Variants in KANSL1 observed in about 807,000 individuals in gnomAD.
KANSL1 encodes KAT8 regulatory NSL complex subunit 1.
KANSL1 carries 22 observed loss-of-function variants against 103.6 expected under a neutral mutation model. The observed-to-expected ratio is 0.21, with a 90% CI of 0.15 to 0.30. KANSL1 has a LOEUF of 0.30. Among genes scored for constraint, KANSL1 ranks in the 10% least tolerant of loss-of-function variants. The pLI is 1.00. For synonymous variants in KANSL1, 600 were observed against 527.6 expected (o/e 1.14, Z -1.88); for missense variants, 1,337 against 1,399.8 (o/e 0.96, Z 0.72).
chr17:46,074,812 G>C (rs540099605), intron 4 of KANSL1, among the ~76,000 whole-genome samples: 3 of 149,320 alleles, frequency 2.0e-5, no homozygotes, highest in African/African-American at 7.4e-5. Flanking sequence ...AATAAATATT[G>C]TCAGTTATTA....
At chr17:46,098,880 T>C (rs1340992348) in intron 2 of KANSL1, among the ~76,000 whole-genome samples, 1 of 152,194 alleles carries the variant, frequency 6.6e-6, no homozygotes, top group Non-Finnish European at 1.5e-5. Context: ...ACCAGCAATA[T>C]GAGCAGAAAG....
intron 1 of KANSL1, among the ~76,000 whole-genome samples, chr17:46,181,951 C>G (rs924808632): frequency 6.6e-6 from 1 of 152,152 alleles, no homozygotes; most frequent in African/African-American, 2.4e-5. Context: ...ACTTCTTAGA[C>G]TCTTCCAATT....
At chr17:46,058,741 A>ACTCTCT (rs1286306364) in intron 6 of KANSL1, among the ~76,000 whole-genome samples, 13 of 73,584 alleles carry the variant, frequency 1.8e-4, no homozygotes, top group African/African-American at 6.3e-4. Context: ...ACACACACAC[A>ACTCTCT]CACTCTCTCT....
At chr17:46,038,832 TG>T (rs2077227357) in intron 9 of KANSL1, 146 bp from the exon 10 acceptor site, 17 of 1,212,562 alleles carry the variant, frequency 1.4e-5, no homozygotes, top group Non-Finnish European at 1.6e-5. Context: ...ACACTAGCTG[TG>T]GGAAGTAGGG....
At chr17:46,166,090 T>C (rs187798403) in intron 2 of KANSL1, among the ~76,000 whole-genome samples, 191 of 151,592 alleles carry the variant, frequency 1.3e-3, no homozygotes, top group Non-Finnish European at 1.8e-3. Context: ...TGGGCGCCTG[T>C]AATCCCAGCT....
chr17:46,066,567 T>C lies in KANSL1; in HGVS notation c.1818A>G (p.Arg606=), dbSNP rs1198537949. ...VLSCKKRRLV[R]PNSIVPLSKK... ...TGGAAAGAGGAACGATGCTGTTGGGTCGAACAAGCCTCCGCTTCTTACAGC... is the reference window on the plus strand; with the variant it reads ...TGGAAAGAGGAACGATGCTGTTGGGCCGAACAAGCCTCCGCTTCTTACAGC... Residue 606 remains arginine (R), a synonymous_variant, in exon 6 of 15, where the codon CGA becomes CGG. Transcript: ENST00000432791. 6.2e-7 allele frequency: 1 copy of C among 1,613,518 alleles called. No individual in the cohort carries two copies. Among genetic ancestry groups the C allele is most frequent in the Admixed American group, 1.7e-5 (1 of 59,992 alleles).
At chr17:46,042,289 A>C (rs2077354094) in intron 7 of KANSL1, 2 of 152,224 alleles carry the variant, frequency 1.3e-5, no homozygotes, top group South Asian at 4.1e-4. Flanking sequence ...GAGGATAAGA[A>C]GGCAGGGAAG....
At chr17:46,196,078 C>CA (rs141499662), upstream of KANSL1, 34,832 of 297,608 alleles carry the variant, frequency 0.12, 7 homozygotes, top group Non-Finnish European at 0.16. Flanking sequence ...CCTATCTCTA[C>CA]AAACAAAATT....
chr17:46,131,315 T>C (rs749941584), intron 2 of KANSL1, among the ~76,000 whole-genome samples: 20 of 152,240 alleles, frequency 1.3e-4, no homozygotes, highest in Admixed American at 3.9e-4. Context: ...GATGTCCATC[T>C]AACATCCAGT....
rs111461865 is a variant in KANSL1 at position 46,059,048 on chromosome 17, G to GA, written c.1848+7488dup. Among the ~76,000 whole-genome samples, 561 of 108,282 alleles carry GA rather than the reference G, an allele frequency of 5.2e-3. 5 individuals carry two copies. The highest frequency in any genetic ancestry group is 0.013 in the African/African-American group (403 of 31,096). The allele number at this position is 108,282 out of a possible 152,430, so 71.0% of individuals were successfully genotyped here. ...GGCAACAGAGCGAGACTCCATCTCG[G>GA]AAAAAAAAAAAAAGAAAGAAAGAAA... On this transcript the variant is annotated intron_variant, in intron 6 of 14. Transcript: ENST00000432791.
intron 1 of KANSL1, among the ~76,000 whole-genome samples, chr17:46,181,611 T>C (rs2046798083): frequency 6.6e-6 from 1 of 152,216 alleles, no homozygotes; most frequent in Non-Finnish European, 1.5e-5. Flanking sequence ...TTTGTAATTT[T>C]AGTAGAGATG....
intron 6 of KANSL1, among the ~76,000 whole-genome samples, chr17:46,063,609 G>A (rs1385050326): frequency 1.3e-5 from 2 of 152,146 alleles, no homozygotes; most frequent in Admixed American, 1.3e-4. Flanking sequence ...GCTTACTTTT[G>A]TGTCAGGATG....
At chr17:46,199,142 C>A (rs2047711481) in intron 1 of KANSL1, among the ~76,000 whole-genome samples, 1 of 152,188 alleles carries the variant, frequency 6.6e-6, no homozygotes, top group Non-Finnish European at 1.5e-5. Context: ...GTTCAGCCGC[C>A]ACATTTTATT....
chr17:46,167,371 C>T (rs1299534846), intron 2 of KANSL1, among the ~76,000 whole-genome samples: 1 of 152,170 alleles, frequency 6.6e-6, no homozygotes, highest in African/African-American at 2.4e-5. Flanking sequence ...TAATTAAATG[C>T]TTTTATTTCT....
At chr17:46,214,409 T>C (rs564852089) in intron 1 of KANSL1, among the ~76,000 whole-genome samples, 4 of 152,288 alleles carry the variant, frequency 2.6e-5, no homozygotes, top group South Asian at 4.1e-4. Context: ...ATGCCAGCAC[T>C]TTGGGAGGCT....
At chr17:46,145,107 T>A (rs1378920205) in intron 2 of KANSL1, among the ~76,000 whole-genome samples, 4 of 152,200 alleles carry the variant, frequency 2.6e-5, no homozygotes, top group Non-Finnish European at 5.9e-5. Context: ...AGTTCTATCA[T>A]CTCATCCAAA....
intron 1 of KANSL1, among the ~76,000 whole-genome samples, chr17:46,220,996 C>CTT (rs56342423): frequency 0.074 from 10,119 of 137,442 alleles, no homozygotes; most frequent in Non-Finnish European, 0.11. Context: ...CCCTAAAGAT[C>CTT]TTTTTTTTTT....
At chr17:46,051,387 G>A (rs1051437714) in intron 6 of KANSL1, among the ~76,000 whole-genome samples, 1 of 147,474 alleles carries the variant, frequency 6.8e-6, no homozygotes, top group Non-Finnish European at 1.5e-5. Context: ...AATTCCAAAG[G>A]GTAGAAATTA....
At chr17:46,105,239 T>C (rs949006346) in intron 2 of KANSL1, among the ~76,000 whole-genome samples, 2 of 152,280 alleles carry the variant, frequency 1.3e-5, no homozygotes, top group Non-Finnish European at 2.9e-5. Flanking sequence ...TGAATTAATT[T>C]TCTGTCTACT....
Sources: allele counts gnomAD v4.1 joint callset (sites outside exome capture counted in the v4.1 genomes callset), GRCh38; gene constraint gnomAD v4.1.1; transcripts MANE v1.5; gene names NCBI Gene and HGNC (gene_info 2026-07-23, HGNC 2026-07-21).